The following BDP1 variants were observed in gnomAD, a reference collection of about 807,000 sequenced individuals.
The protein encoded by BDP1 is BDP1 general transcription factor IIIB subunit.
A neutral mutation model predicts 266.6 loss-of-function variants in BDP1; 169 were observed. That is an observed-to-expected ratio of 0.63 (90% CI 0.56 to 0.72). The LOEUF is 0.72. Among genes scored for constraint, BDP1 ranks in the 30% least tolerant of loss-of-function variants. The pLI is 0.00. For missense variants in BDP1, 3,015 were observed against 3,053.8 expected (o/e 0.99, Z 0.30); for synonymous variants, 1,090 against 1,022.4 (o/e 1.07, Z -1.26).
Position 71,489,463 on chromosome 5 carries a change from A to G in BDP1, c.1273A>G (p.Ile425Val). 1 of 1,614,046 alleles carries G rather than the reference A, an allele frequency of 6.2e-7. No homozygotes were observed. Among genetic ancestry groups the G allele is most frequent in the Non-Finnish European group, 8.5e-7 (1 of 1,179,958 alleles). Residue 425 changes from isoleucine (I) to valine (V), a missense_variant, in exon 10 of 39, where the codon ATT becomes GTT. Coordinates refer to ENST00000358731, the MANE Select transcript of BDP1 (RefSeq NM_018429.3). Reference sequence around the variant, plus strand: ...TCCAGATGAGTCTATGAGTTCTAGAATTTCAGACACGGAAAGATCTCAGAA... The same window carrying G: ...TCCAGATGAGTCTATGAGTTCTAGAGTTTCAGACACGGAAAGATCTCAGAA... ...NDPDESMSSR[I>V]SDTERSQKDA... is the part of the protein sequence containing the mutation.
At chr5:71,463,370 C>T (rs1579978389) in intron 3 of BDP1, among the ~76,000 whole-genome samples, 1 of 152,182 alleles carries the variant, frequency 6.6e-6, no homozygotes, top group South Asian at 2.1e-4. Context: ...TCAGCATAGC[C>T]CTTTTTCAGA....
At chr5:71,545,400 C>A in intron 32 of BDP1, 181 bp downstream of exon 32, 1 of 606,444 alleles carries the variant, frequency 1.6e-6, no homozygotes, top group Non-Finnish European at 2.8e-6. Flanking sequence ...GGTATGATCT[C>A]AGCTCACTGC....
In BDP1 at chr5:71,567,127, A is replaced by G. The variant is rs758473463; in HGVS notation, c.*2242A>G. The G allele has an allele frequency of 2.0e-5, 3 of 152,186 alleles. No individual in the cohort carries two copies. The highest frequency in any genetic ancestry group is 7.2e-5 in the African/African-American group (3 of 41,448). 9.4% of individuals were successfully genotyped at this position (152,186 alleles called of 1,614,324 possible). ...AATCATGGTAGTAAATCACATTGCTATTTGAATACCCTGTTTTTGTAAGTT... is the reference window on the plus strand; with the variant it reads ...AATCATGGTAGTAAATCACATTGCTGTTTGAATACCCTGTTTTTGTAAGTT... On this transcript the variant is annotated 3_prime_UTR_variant, in exon 39 of 39. Coordinates refer to ENST00000358731, the MANE Select transcript of BDP1 (RefSeq NM_018429.3).
intron 11 of BDP1, among the ~76,000 whole-genome samples, chr5:71,493,620 A>G (rs1763722019): frequency 6.6e-6 from 1 of 152,198 alleles, no homozygotes; most frequent in Non-Finnish European, 1.5e-5. Context: ...TAAAATTGTC[A>G]TGTACACAAG....
At chr5:71,536,472 T>C (rs1766601921) in intron 26 of BDP1, among the ~76,000 whole-genome samples, 1 of 152,196 alleles carries the variant, frequency 6.6e-6, no homozygotes, top group Admixed American at 6.5e-5. Context: ...CAAAGATTTA[T>C]AGAGTGCATA....
At chr5:71,498,482 G>A (rs1764029231) in intron 13 of BDP1, among the ~76,000 whole-genome samples, 1 of 151,334 alleles carries the variant, frequency 6.6e-6, no homozygotes. Context: ...GGAGTGCAGT[G>A]GCACGATCTT....
chr5:71,522,667 A>G lies in BDP1; in HGVS notation c.5194-89A>G, dbSNP rs116520628. 9,650 of 1,317,202 alleles carry G rather than the reference A, an allele frequency of 7.3e-3. 95 individuals carry two copies. Among genetic ancestry groups the G allele is most frequent in the Middle Eastern group, 0.019 (97 of 5,114 alleles). 81.6% of individuals were successfully genotyped at this position (1,317,202 alleles called of 1,614,324 possible). On this transcript the variant is annotated intron_variant, in intron 23 of 38. Coordinates refer to ENST00000358731, the MANE Select transcript of BDP1 (RefSeq NM_018429.3). ...AACCAACTGCTTGTAGATATGTGTAAACTTAGAGGTTTAGGCCAAACTACC... is the reference window on the plus strand; with the variant it reads ...AACCAACTGCTTGTAGATATGTGTAGACTTAGAGGTTTAGGCCAAACTACC...
downstream of BDP1, among the ~76,000 whole-genome samples, chr5:71,568,273 G>A (rs1011711763): frequency 1.3e-5 from 2 of 152,108 alleles, no homozygotes; most frequent in Admixed American, 6.6e-5. Context: ...CTGCAGCATC[G>A]CATCCTGAAT....
At chr5:71,541,721 C>A in intron 29 of BDP1, 39 bp downstream of exon 29, 3 of 1,268,790 alleles carry the variant, frequency 2.4e-6, no homozygotes, top group South Asian at 1.5e-5. Context: ...TTACTAAAAC[C>A]ACCATCAAAT....
intron 32 of BDP1, among the ~76,000 whole-genome samples, chr5:71,547,577 T>TA (rs1385292050): frequency 1.3e-5 from 2 of 152,326 alleles, no homozygotes; most frequent in East Asian, 3.9e-4. Context: ...AGCAAGCTGT[T>TA]ACCCTGTAGT....
intron 3 of BDP1, 131 bp downstream of exon 3, chr5:71,462,057 G>A: frequency 1.7e-6 from 1 of 582,702 alleles, no homozygotes; most frequent in Non-Finnish European, 3.1e-6. Flanking sequence ...CTGCCTCCCA[G>A]GTTCAAGCGA....
At position 71,455,792 on chromosome 5, in the gene BDP1, GT is replaced by G; in HGVS notation, c.-84del. On this transcript the variant is annotated 5_prime_UTR_variant, in exon 1 of 39. Transcript: ENST00000358731. Reference sequence around the variant, plus strand: ...GGTGTGGCTTTGTGGGGAGGGCGTAGTTCCTAATCCCCTTTCCGGGCAGCCG... The same window carrying G: ...GGTGTGGCTTTGTGGGGAGGGCGTAGTCCTAATCCCCTTTCCGGGCAGCCG... 1.7e-6 allele frequency: 2 copies of G among 1,194,364 alleles called. No homozygotes were observed. The highest frequency in any genetic ancestry group is 2.3e-6 in the Non-Finnish European group (2 of 855,038). 74.0% of individuals were successfully genotyped at this position (1,194,364 alleles called of 1,614,324 possible).
intron 7 of BDP1, among the ~76,000 whole-genome samples, chr5:71,477,707 G>C (rs1029183225): frequency 6.6e-6 from 1 of 150,626 alleles, no homozygotes; most frequent in African/African-American, 2.4e-5. Flanking sequence ...TGCAGCTTCA[G>C]CCTCTTGAGC....
intron 4 of BDP1, among the ~76,000 whole-genome samples, chr5:71,464,609 A>C (rs1220430835): frequency 1.3e-5 from 2 of 151,592 alleles, no homozygotes; most frequent in Admixed American, 6.6e-5. Context: ...TGGTGTGAAC[A>C]TAGCTCACTG....
At position 71,502,777 on chromosome 5, in the gene BDP1, T is replaced by C. The variant is rs769252659; in HGVS notation, c.2227T>C (p.Cys743Arg). Residue 743 changes from cysteine (C) to arginine (R), a missense_variant, in exon 15 of 39, where the codon TGT becomes CGT. This residue lies in a region of BDP1 where 2,383 missense variants were observed against 2,404.9 expected (regional missense o/e 0.99). Transcript: ENST00000358731. ...ANVEKNENESCADRDTPQHME... is the reference protein window; with the variant it reads ...ANVEKNENESRADRDTPQHME... ...TGTAGAGAAGAATGAAAATGAATCCTGTGCTGATAGAGATGTAAGTACTCT... is the reference window on the plus strand; with the variant it reads ...TGTAGAGAAGAATGAAAATGAATCCCGTGCTGATAGAGATGTAAGTACTCT... 6.2e-7 allele frequency: 1 copy of C among 1,613,314 alleles called. No homozygotes were observed. The highest frequency in any genetic ancestry group is 1.1e-5 in the South Asian group (1 of 91,040).
At chr5:71,523,899 C>T in intron 24 of BDP1, 40 bp from the exon 25 acceptor site, 1 of 1,514,364 alleles carries the variant, frequency 6.6e-7, no homozygotes. Flanking sequence ...ATTATCCTTG[C>T]ATGCATATGA....
intron 37 of BDP1, among the ~76,000 whole-genome samples, chr5:71,562,030 G>A (rs1743692664): frequency 6.6e-6 from 1 of 151,702 alleles, no homozygotes; most frequent in Admixed American, 6.6e-5. Flanking sequence ...AGATGACGAC[G>A]TCAGGAGTTC....
Position 71,516,055 on chromosome 5 carries a change from G to C in BDP1, c.4650-6G>C. 6.3e-7 allele frequency: 1 copy of C among 1,594,562 alleles called. No homozygotes were observed. Among genetic ancestry groups the C allele is most frequent in the Non-Finnish European group, 8.6e-7 (1 of 1,169,580 alleles). On this transcript the variant is annotated splice_region_variant and splice_polypyrimidine_tract_variant and intron_variant, in intron 20 of 38. Transcript: ENST00000358731. ...GCCCTGCCTTTCTCCCTGTCCCCTT[G>C]TTTAGGACTAATAATGTAAACACTT...
chr5:71,509,313 A>G (rs1354345656), intron 16 of BDP1, 152 bp from the exon 17 acceptor site: 6 of 741,396 alleles, frequency 8.1e-6, no homozygotes, highest in Non-Finnish European at 1.2e-5. Context: ...TTTTCTTTTA[A>G]TTTTTAAATT....
Sources: allele counts gnomAD v4.1 joint callset (sites outside exome capture counted in the v4.1 genomes callset), GRCh38; gene constraint gnomAD v4.1.1; regional missense constraint gnomAD v4.1.1; transcripts MANE v1.5; gene names NCBI Gene and HGNC (gene_info 2026-07-23, HGNC 2026-07-21).